The following NBAS variants were observed in gnomAD, a reference collection of about 807,000 sequenced individuals.
The protein encoded by NBAS is NBAS subunit of NRZ tethering complex.
Under a neutral mutation model 302.5 loss-of-function variants are expected in NBAS, and 219 were observed. That is an observed-to-expected ratio of 0.72 (90% CI 0.65 to 0.81). NBAS has a LOEUF of 0.81. Among genes scored for constraint, NBAS ranks in the 30% least tolerant of loss-of-function variants. The pLI, the probability that NBAS is intolerant of heterozygous loss-of-function variation, is 0.00. For synonymous variants in NBAS, 1,118 were observed against 1,021.6 expected (o/e 1.09, Z -1.80); for missense variants, 2,932 against 2,841.6 (o/e 1.03, Z -0.72).
chr2:15,136,501 G>T, the NBAS span, among the ~76,000 whole-genome samples: 2 of 152,206 alleles, frequency 1.3e-5, no homozygotes, highest in African/African-American at 2.4e-5. Context: ...AAGAAGTTTG[G>T]CAGAGGGCTG....
the NBAS span, among the ~76,000 whole-genome samples, chr2:14,980,302 G>T: frequency 6.6e-6 from 1 of 152,198 alleles, no homozygotes; most frequent in Admixed American, 6.5e-5. Context: ...TCTTGAAGTT[G>T]GTCCTTGGAA....
chr2:15,239,801 TG>T (rs1667781225), intron 44 of NBAS, among the ~76,000 whole-genome samples: 2 of 152,130 alleles, frequency 1.3e-5, no homozygotes, highest in Non-Finnish European at 2.9e-5. Flanking sequence ...ATTTATTCAG[TG>T]ACACGCATCA....
At chr2:15,126,121 A>T in the NBAS span, among the ~76,000 whole-genome samples, 14 of 152,038 alleles carry the variant, frequency 9.2e-5, no homozygotes, top group Admixed American at 9.2e-4. Flanking sequence ...CTTGGTGACG[A>T]GTGAGTTCTC....
Position 15,414,156 on chromosome 2 carries a change from G to A in NBAS, c.2937+1390C>T, listed in dbSNP as rs149637356. Among the ~76,000 whole-genome samples, 773 of 152,268 alleles carry A rather than the reference G, an allele frequency of 5.1e-3. 10 individuals are homozygous for A. The highest frequency in any genetic ancestry group is 0.017 in the African/African-American group (714 of 41,558). On this transcript the variant is annotated intron_variant, in intron 25 of 51. Transcript: ENST00000281513. ...AGAGCAAACTGCTTATGAGAAGACA[G>A]AAAATTTTAAAAAGCCAATGAACAG...
chr2:14,845,911 T>TG, the NBAS span, among the ~76,000 whole-genome samples: 28 of 149,396 alleles, frequency 1.9e-4, no homozygotes, highest in Non-Finnish European at 3.5e-4. Context: ...CCTACAAGAT[T>TG]GAAAAAAAAT....
intron 40 of NBAS, among the ~76,000 whole-genome samples, chr2:15,297,566 T>C (rs760395593): frequency 6.6e-6 from 1 of 152,212 alleles, no homozygotes; most frequent in Non-Finnish European, 1.5e-5. Flanking sequence ...CATGGTAAGA[T>C]GTGCTGGCTT....
chr2:15,352,028 G>T lies in NBAS; in HGVS notation c.4143C>A (p.Ile1381=). The change falls in exon 35 of 52, where the codon ATC becomes ATA. Residue 1381 remains isoleucine (I), a synonymous_variant. Coordinates refer to ENST00000281513, the MANE Select transcript of NBAS (RefSeq NM_015909.4). ...CTTTACTAGTTAATGGTGAAGCACT[G>T]ATATTTTCCCCTCCTTCATGATGGA... ...FQIHHEGGEN[I]SASPLTSKAV... 1 of 1,612,150 alleles carries T rather than the reference G, an allele frequency of 6.2e-7. No homozygotes were observed. Among genetic ancestry groups the T allele is most frequent in the Non-Finnish European group, 8.5e-7 (1 of 1,178,416 alleles).
intron 25 of NBAS, among the ~76,000 whole-genome samples, chr2:15,407,267 T>C (rs375429196): frequency 9.8e-5 from 15 of 152,298 alleles, no homozygotes; most frequent in Non-Finnish European, 1.6e-4. Context: ...CTGAGGACCA[T>C]AGACCAAGAG....
At chr2:15,397,641 TG>T in intron 26 of NBAS, 1 of 571,040 alleles carries the variant, frequency 1.8e-6, no homozygotes, top group African/African-American at 1.9e-5. Context: ...CTGACTGCTG[TG>T]GCCTCCACTA....
chr2:14,935,372 A>G, the NBAS span, among the ~76,000 whole-genome samples: 3 of 152,106 alleles, frequency 2.0e-5, no homozygotes, highest in East Asian at 5.8e-4. Flanking sequence ...GCTCATTTTT[A>G]TATTGTTTTA....
At chr2:14,906,743 T>G in the NBAS span, among the ~76,000 whole-genome samples, 1 of 152,146 alleles carries the variant, frequency 6.6e-6, no homozygotes, top group East Asian at 1.9e-4. Context: ...ATTCTCCGAT[T>G]TTTCTGATGT....
intron 11 of NBAS, among the ~76,000 whole-genome samples, chr2:15,501,458 C>T (rs1055997593): frequency 1.3e-5 from 2 of 151,992 alleles, no homozygotes; most frequent in Non-Finnish European, 2.9e-5. Flanking sequence ...CATTACACCA[C>T]TATTATTTGC....
At chr2:15,343,336 A>C (rs71447224) in intron 35 of NBAS, among the ~76,000 whole-genome samples, 1 of 152,196 alleles carries the variant, frequency 6.6e-6, no homozygotes, top group Non-Finnish European at 1.5e-5. Context: ...GAGAGAAACC[A>C]CAATACTACA....
At chr2:15,085,663 T>C in the NBAS span, among the ~76,000 whole-genome samples, 1 of 152,096 alleles carries the variant, frequency 6.6e-6, no homozygotes, top group African/African-American at 2.4e-5. Context: ...GGATAATGGA[T>C]CCGGGCCTCT....
Position 15,379,710 on chromosome 2 carries a change from G to T in NBAS, c.3482C>A (p.Pro1161His). The T allele has an allele frequency of 7.4e-6, 12 of 1,614,048 alleles. No individual in the cohort carries two copies. The highest frequency in any genetic ancestry group is 1.0e-5 in the Non-Finnish European group (12 of 1,179,996). ...CTTTTCGTAGCTGACCCTGTAGTGG[G>T]GTTTCCCTTTATGGGCTATACCAGC... ...PPAGIAHKGK[P>H]HYRVSYEKSI... is the part of the protein sequence containing the mutation. The change falls in exon 30 of 52, where the codon CCC (proline) becomes CAC (histidine). Residue 1161 changes from proline to histidine, a missense_variant. Transcript: ENST00000281513.
intron 11 of NBAS, among the ~76,000 whole-genome samples, chr2:15,489,604 G>A (rs1405696715): frequency 1.3e-5 from 2 of 152,176 alleles, no homozygotes; most frequent in Non-Finnish European, 2.9e-5. Context: ...TAGATTTGCT[G>A]CCAAATTATC....
chr2:14,839,726 A>C, the NBAS span, among the ~76,000 whole-genome samples: 43 of 152,226 alleles, frequency 2.8e-4, no homozygotes, highest in Admixed American at 1.8e-3. Flanking sequence ...GCTGAAAAAG[A>C]AGCAGCAACC....
chr2:15,338,886 G>A (rs948315377), intron 35 of NBAS, among the ~76,000 whole-genome samples: 4 of 151,994 alleles, frequency 2.6e-5, no homozygotes, highest in African/African-American at 4.8e-5. Flanking sequence ...AGTGGCATGC[G>A]CCTGTAGTCC....
chr2:15,071,710 A>G, the NBAS span, among the ~76,000 whole-genome samples: 1 of 151,418 alleles, frequency 6.6e-6, no homozygotes, highest in Non-Finnish European at 1.5e-5. Flanking sequence ...GTAGCAAAGG[A>G]TGGGAGAAAA....
Sources: allele counts gnomAD v4.1 joint callset (sites outside exome capture counted in the v4.1 genomes callset), GRCh38; gene constraint gnomAD v4.1.1; transcripts MANE v1.5; gene names NCBI Gene and HGNC (gene_info 2026-07-23, HGNC 2026-07-21).